The following SCAF11 variants were observed in gnomAD, a reference collection of about 807,000 sequenced individuals.
The protein encoded by SCAF11 is SR-related CTD associated factor 11.
SCAF11 carries 47 observed loss-of-function variants against 140.5 expected under a neutral mutation model. The ratio of observed to expected loss-of-function variants is 0.33; its 90% CI spans 0.26 to 0.43. SCAF11 has a LOEUF of 0.43. Ranked by LOEUF, SCAF11 falls within the 20% of genes least tolerant of loss-of-function variation. The pLI, the probability that SCAF11 is intolerant of heterozygous loss-of-function variation, is 1.00. For synonymous variants in SCAF11, 557 were observed against 579.4 expected, an observed-to-expected ratio of 0.96 and a Z score of 0.55; for missense variants, 1,645 against 1,705.1, an observed-to-expected ratio of 0.96 and a Z score of 0.62.
In SCAF11 at chr12:45,922,446, C is replaced by T. The variant is rs200803079; in HGVS notation, c.4245+17G>A. On this transcript the variant is annotated intron_variant, in intron 14 of 14. Coordinates refer to ENST00000369367, the MANE Select transcript of SCAF11 (RefSeq NM_004719.3). ...TTCAAAACAACGTGCACATACTCCA[C>T]TAAAGCCATAACTTACTTTATCTAC... 6 of 1,597,690 alleles carry T rather than the reference C, an allele frequency of 3.8e-6. No individual in the cohort carries two copies. The highest frequency in any genetic ancestry group is 1.4e-5 in the African/African-American group (1 of 73,992).
Position 45,924,802 on chromosome 12 carries a change from G to A in SCAF11, c.3832C>T (p.Pro1278Ser). 6.2e-7 allele frequency: 1 copy of A among 1,613,748 alleles called. No individual in the cohort carries two copies. The highest frequency in any genetic ancestry group is 8.5e-7 in the Non-Finnish European group (1 of 1,179,878). Residue 1278 changes from proline (P) to serine (S), a missense_variant, in exon 12 of 15, where the codon CCA (proline) becomes TCA (serine). Pro to Ser is a moderately conservative substitution (Grantham distance 74). Coordinates refer to ENST00000369367, the MANE Select transcript of SCAF11 (RefSeq NM_004719.3). The part of the protein sequence containing the change: ...TPTSVSQGLP[P>S]PPPPPPPSQQ... ...GATGGTGGGGGAGGGGGTGGTGGTG[G>A]TGGTAGTCCCTGAGATACACTGGTA...
At chr12:45,972,931 T>TATATAGATATATATATAG (rs1565689031) in intron 1 of SCAF11, among the ~76,000 whole-genome samples, 2 of 76,224 alleles carry the variant, frequency 2.6e-5, no homozygotes, top group African/African-American at 1.6e-4. Flanking sequence ...GATATATAGA[T>TATATAGATATATATATAG]ATATATAGAT....
At chr12:45,953,786 C>T (rs1012457748) in intron 3 of SCAF11, 4 of 501,628 alleles carry the variant, frequency 8.0e-6, no homozygotes, top group African/African-American at 4.0e-5. Flanking sequence ...TCTCTCTGTG[C>T]CTCAGTAACC....
rs1210542196 is a variant in SCAF11 at position 45,926,944 on chromosome 12, A to G, written c.2757T>C (p.Asp919=). ...SQSRERESDR[D]GQRRERERRT... ...TCCTTTCTCTCTCTCTCCTCTGCCC[A>G]TCTCTATCACTTTCTCGTTCTCTGC... Residue 919 remains aspartate (D), a synonymous_variant, in exon 11 of 15, where the codon GAT becomes GAC. Transcript: ENST00000369367. 1 of 1,612,478 alleles carries G rather than the reference A, an allele frequency of 6.2e-7. No individual in the cohort carries two copies.
rs1247627692 is a variant in SCAF11, at chr12:45,927,281, G to C, written c.2420C>G (p.Thr807Ser). The change falls in exon 11 of 15, where the codon ACT becomes AGT. Residue 807 changes from threonine (T) to serine (S), a missense_variant. Around this residue, in one of 2 missense-constraint regions of SCAF11, gnomAD observed 1,582 missense variants for 1,609.2 expected, o/e 0.98. Transcript: ENST00000369367. ...PSTTWSPNKD[T>S]PQEKKRPQSP... The stretch of plus-strand genomic sequence containing the variant: ...CTGGGGCCGCTTCTTTTCTTGTGGA[G>C]TGTCTTTGTTGGGTGACCAAGTTGT... The C allele has an allele frequency of 6.2e-7, 1 of 1,613,784 alleles. No homozygotes were observed. The highest frequency in any genetic ancestry group is 8.5e-7 in the Non-Finnish European group (1 of 1,179,986).
chr12:45,991,021 C>T (rs1946596121), upstream of SCAF11, among the ~76,000 whole-genome samples: 1 of 152,242 alleles, frequency 6.6e-6, no homozygotes, highest in African/African-American at 2.4e-5. Context: ...AAGGATTTTG[C>T]GCAGGGTGTG....
In SCAF11 at chr12:45,972,929, GAT is replaced by G. The variant is rs1177941305; in HGVS notation, c.-21-8743_-21-8742del. Among the ~76,000 whole-genome samples the G allele has an allele frequency of 3.5e-3, 302 of 86,502 alleles. 12 individuals are homozygous for G. Among genetic ancestry groups the G allele is most frequent in the African/African-American group, 4.2e-3 (75 of 17,728 alleles). The allele number at this position is 86,502 out of a possible 152,430, so 56.7% of individuals were successfully genotyped here. Reference sequence around the variant, plus strand: ...ATATAGATATATATATAGATATATAGATATATATAGATATATATATAGATATA... The same window carrying G: ...ATATAGATATATATATAGATATATAGATATATAGATATATATATAGATATA... On this transcript the variant is annotated intron_variant, in intron 1 of 14. Transcript: ENST00000369367.
At chr12:45,931,483 G>T in intron 10 of SCAF11, 23 bp downstream of exon 10, 1 of 1,187,846 alleles carries the variant, frequency 8.4e-7, no homozygotes, top group Non-Finnish European at 1.1e-6. Flanking sequence ...TTTTAAAATA[G>T]AAAATGATTT....
chr12:45,978,022 C>G (rs1946272148), intron 1 of SCAF11, among the ~76,000 whole-genome samples: 1 of 152,142 alleles, frequency 6.6e-6, no homozygotes, highest in Non-Finnish European at 1.5e-5. Flanking sequence ...TGACAGTCAT[C>G]CACTCTATGG....
At chr12:45,945,089 T>C (rs1945388999) in intron 6 of SCAF11, 160 bp downstream of exon 6, 9 of 595,936 alleles carry the variant, frequency 1.5e-5, no homozygotes, top group Non-Finnish European at 2.6e-5. Flanking sequence ...CAGTATAAAT[T>C]GCTCCATGAA....
chr12:45,967,382 G>A (rs1319677715), intron 1 of SCAF11, among the ~76,000 whole-genome samples: 2 of 152,198 alleles, frequency 1.3e-5, no homozygotes, highest in Non-Finnish European at 2.9e-5. Context: ...GGTGGCTCAC[G>A]CAAGTAATCC....
In SCAF11 at chr12:45,939,740, C is replaced by T. The variant is rs1159476590; in HGVS notation, c.464-5235G>A. Among the ~76,000 whole-genome samples the T allele has an allele frequency of 1.3e-5, 2 of 152,144 alleles. 1 individual carries two copies. The highest frequency in any genetic ancestry group is 4.8e-5 in the African/African-American group (2 of 41,440). ...ATAAACAAATAAATAAATAAGAAAACAAGAAGCTAAGCTAAGTAGAGTTGC... is the reference window on the plus strand; with the variant it reads ...ATAAACAAATAAATAAATAAGAAAATAAGAAGCTAAGCTAAGTAGAGTTGC... On this transcript the variant is annotated intron_variant, in intron 6 of 14. Coordinates refer to ENST00000369367, the MANE Select transcript of SCAF11 (RefSeq NM_004719.3).
chr12:45,950,416 A>C (rs1945523218), intron 4 of SCAF11, among the ~76,000 whole-genome samples: 2 of 152,226 alleles, frequency 1.3e-5, no homozygotes. Flanking sequence ...CACTGTACCA[A>C]ACTTTTAAGT....
At chr12:45,969,928 C>T (rs1343385229) in intron 1 of SCAF11, among the ~76,000 whole-genome samples, 3 of 151,914 alleles carry the variant, frequency 2.0e-5, no homozygotes, top group South Asian at 2.1e-4. Context: ...GACGGAGTCT[C>T]GCTCTGTCGC....
At chr12:45,979,690 G>C (rs1040839681) in intron 1 of SCAF11, among the ~76,000 whole-genome samples, 1 of 152,026 alleles carries the variant, frequency 6.6e-6, no homozygotes, top group Non-Finnish European at 1.5e-5. Context: ...CCTATTATCT[G>C]AATTTCTTAA....
intron 6 of SCAF11, 36 bp downstream of exon 6, chr12:45,945,213 A>G: frequency 2.3e-6 from 3 of 1,321,840 alleles, no homozygotes; most frequent in African/African-American, 3.0e-5. Flanking sequence ...AAACAACAAA[A>G]AAAAAGGTAG....
In SCAF11 at chr12:45,921,569, T is replaced by G. The variant is rs908086512; in HGVS notation, c.*479A>C. On this transcript the variant is annotated 3_prime_UTR_variant, in exon 15 of 15. Transcript: ENST00000369367. ...TAGGAACTTTGCAACTGATATGTTC[T>G]ATTTAATATTAGAAACATTTTTCAT... 1 of 152,570 alleles carries G rather than the reference T, an allele frequency of 6.6e-6. No individual in the cohort carries two copies. Among genetic ancestry groups the G allele is most frequent in the Non-Finnish European group, 1.5e-5 (1 of 68,310 alleles). The allele number at this position is 152,570 out of a possible 1,614,324, so 9.5% of individuals were successfully genotyped here.
chr12:45,980,108 T>C (rs898629693), intron 1 of SCAF11, among the ~76,000 whole-genome samples: 18 of 152,048 alleles, frequency 1.2e-4, no homozygotes, highest in Non-Finnish European at 4.4e-5. Context: ...TTACATACAA[T>C]GAAAATAAGT....
At position 45,934,264 on chromosome 12, in the gene SCAF11, T is replaced by C. The variant is rs1162559908; in HGVS notation, c.544A>G (p.Thr182Ala). ...AAAAAATTTCTGAAGCACTGATTTG[T>C]ACTCCAATTTGATCTCTGAGGCTAG... is the stretch of plus-strand genomic sequence containing the variant. ...INKPQRSNWS[T>A]NQCFRNFFSN... The change falls in exon 8 of 15, where the codon ACA (threonine) becomes GCA (alanine). Residue 182 changes from threonine to alanine, a missense_variant. Thr to Ala is a moderately conservative substitution (Grantham distance 58). This residue lies in a region of SCAF11 where 1,582 missense variants were observed against 1,609.2 expected (regional missense o/e 0.98). Coordinates refer to ENST00000369367, the MANE Select transcript of SCAF11 (RefSeq NM_004719.3). 1 of 1,609,814 alleles carries C rather than the reference T, an allele frequency of 6.2e-7. No homozygotes were observed. Among genetic ancestry groups the C allele is most frequent in the Non-Finnish European group, 8.5e-7 (1 of 1,177,602 alleles).
Sources: allele counts gnomAD v4.1 joint callset (sites outside exome capture counted in the v4.1 genomes callset), GRCh38; gene constraint gnomAD v4.1.1; regional missense constraint gnomAD v4.1.1; transcripts MANE v1.5; gene names NCBI Gene and HGNC (gene_info 2026-07-23, HGNC 2026-07-21).